TMEM70: variants seen among roughly 807,000 people sequenced by gnomAD.
TMEM70 encodes transmembrane protein 70, also known as transmembrane protein 70, mitochondrial.
Under a neutral mutation model 20.5 loss-of-function variants are expected in TMEM70, and 15 were observed. That is an observed-to-expected ratio of 0.73 (90% CI 0.49 to 1.13). The LOEUF is 1.13. TMEM70 is among the 50% of genes most tolerant of loss of function. The pLI is 0.00. For missense variants in TMEM70, 344 were observed against 331.7 expected (o/e 1.04, Z -0.29); for synonymous variants, 141 against 134.2 (o/e 1.05, Z -0.35).
chr8:73,982,567 T>TCCCA lies in TMEM70; in HGVS notation c.*946_*947insCCCA. ...AATTCACAAATTATGGGAGCAGTTTTAAGTCTTCTTTGGTTCAGAACACAG... is the reference window on the plus strand; with the variant it reads ...AATTCACAAATTATGGGAGCAGTTTTCCCAAAGTCTTCTTTGGTTCAGAACACAG... On this transcript the variant is annotated 3_prime_UTR_variant, in exon 3 of 3. Transcript: ENST00000312184. 3 of 500,488 alleles carry TCCCA rather than the reference T, an allele frequency of 6.0e-6. No homozygotes were observed. The highest frequency in any genetic ancestry group is 4.6e-5 in the South Asian group (3 of 65,358). 31.0% of individuals were successfully genotyped at this position (500,488 alleles called of 1,614,324 possible).
chr8:73,978,882 G>A, intron 2 of TMEM70, 21 bp downstream of exon 2: 6 of 1,612,948 alleles, frequency 3.7e-6, no homozygotes, highest in East Asian at 2.2e-5. Context: ...GGAGGTGGGT[G>A]TACTTACTTT....
At position 73,980,374 on chromosome 8, in the gene TMEM70, G is replaced by GT. The variant is rs1388211351; in HGVS notation, c.317-769dup. ...TTGAATACCTTTCCCATATGTTTCT[G>GT]TTTTTTTTTTTTGAGATGGAGTCTC... is the stretch of plus-strand genomic sequence containing the variant. On this transcript the variant is annotated intron_variant, in intron 2 of 2. Coordinates refer to ENST00000312184, the MANE Select transcript of TMEM70 (RefSeq NM_017866.6). Among the ~76,000 whole-genome samples the GT allele has an allele frequency of 7.7e-3, 1,111 of 145,198 alleles. 3 individuals carry two copies. The highest frequency in any genetic ancestry group is 0.024 in the Middle Eastern group (7 of 288).
intron 1 of TMEM70, among the ~76,000 whole-genome samples, chr8:73,976,861 G>A (rs1418970120): frequency 6.6e-6 from 1 of 152,210 alleles, no homozygotes; most frequent in East Asian, 1.9e-4. Context: ...CTGACTTTGA[G>A]CTTGTTCTAC....
rs1248394024 is a variant in TMEM70, at chr8:73,982,190, C to T, written c.*569C>T. On this transcript the variant is annotated 3_prime_UTR_variant, in exon 3 of 3. Coordinates refer to ENST00000312184, the MANE Select transcript of TMEM70 (RefSeq NM_017866.6). ...AGGTGGCAATTCACCGAATTCATAT[C>T]ACTCTAACGAGTTGCAACGTAAAAT... The T allele has an allele frequency of 1.8e-6, 1 of 551,950 alleles. No homozygotes were observed. The highest frequency in any genetic ancestry group is 3.6e-6 in the Non-Finnish European group (1 of 281,482). The allele number at this position is 551,950 out of a possible 1,614,324, so 34.2% of individuals were successfully genotyped here. A position where few individuals can be genotyped will look rare whatever the true frequency, so the allele number is the denominator to read the frequency against.
chr8:73,980,037 A>G (rs1274981572), intron 2 of TMEM70, among the ~76,000 whole-genome samples: 1 of 152,016 alleles, frequency 6.6e-6, no homozygotes, highest in East Asian at 1.9e-4. Flanking sequence ...TTTATTTTTA[A>G]TCTTTCTAAG....
At chr8:73,977,189 CT>C (rs200893322) in intron 1 of TMEM70, among the ~76,000 whole-genome samples, 10 of 151,422 alleles carry the variant, frequency 6.6e-5, no homozygotes, top group Non-Finnish European at 1.3e-4. Flanking sequence ...AATTTTATTT[CT>C]TTTTTTTTGG....
At chr8:73,976,585 C>G (rs1815654791) in intron 1 of TMEM70, 94 bp downstream of exon 1, 1 of 1,261,052 alleles carries the variant, frequency 7.9e-7, no homozygotes, top group Non-Finnish European at 1.1e-6. Context: ...GCGACCTCTC[C>G]CAGGTGTCCG....
In TMEM70 at chr8:73,982,365, G is replaced by T. The variant is rs762140073; in HGVS notation, c.*744G>T. The T allele has an allele frequency of 1.4e-6, 1 of 715,576 alleles. No homozygotes were observed. The highest frequency in any genetic ancestry group is 2.5e-6 in the Non-Finnish European group (1 of 397,588). 44.3% of individuals were successfully genotyped at this position (715,576 alleles called of 1,614,324 possible). A position where few individuals can be genotyped will look rare whatever the true frequency, so the allele number is the denominator to read the frequency against. On this transcript the variant is annotated 3_prime_UTR_variant, in exon 3 of 3. Coordinates refer to ENST00000312184, the MANE Select transcript of TMEM70 (RefSeq NM_017866.6). The stretch of plus-strand genomic sequence containing the variant: ...AAGGCATGGGATCGTTTCCAGATGA[G>T]AATCCACAAGCGACTCATTGACTTG...
chr8:73,977,729 C>T (rs1354432441), intron 1 of TMEM70, among the ~76,000 whole-genome samples: 1 of 151,730 alleles, frequency 6.6e-6, no homozygotes, highest in Non-Finnish European at 1.5e-5. Flanking sequence ...GCCTTAAACT[C>T]CTGGGCTCAA....
Position 73,982,378 on chromosome 8 carries a change from A to T in TMEM70, c.*757A>T, listed in dbSNP as rs1290367394. 1 of 734,058 alleles carries T rather than the reference A, an allele frequency of 1.4e-6. No individual in the cohort carries two copies. Among genetic ancestry groups the T allele is most frequent in the Non-Finnish European group, 2.4e-6 (1 of 412,412 alleles). The allele number at this position is 734,058 out of a possible 1,614,324, so 45.5% of individuals were successfully genotyped here. On this transcript the variant is annotated 3_prime_UTR_variant, in exon 3 of 3. Transcript: ENST00000312184. ...GTTTCCAGATGAGAATCCACAAGCGACTCATTGACTTGCGCAGTCCTCAGA... is the reference window on the plus strand; with the variant it reads ...GTTTCCAGATGAGAATCCACAAGCGTCTCATTGACTTGCGCAGTCCTCAGA...
intron 2 of TMEM70, 134 bp from the exon 3 acceptor site, chr8:73,981,021 A>T (rs1815777835): frequency 2.7e-6 from 2 of 737,452 alleles, no homozygotes; most frequent in East Asian, 5.3e-5. Context: ...GAATATAATA[A>T]GCACTGTATT....
intron 1 of TMEM70, among the ~76,000 whole-genome samples, chr8:73,977,375 A>C (rs919089915): frequency 6.6e-6 from 1 of 151,182 alleles, no homozygotes; most frequent in Non-Finnish European, 1.5e-5. Context: ...TTTAGTAGAG[A>C]CGGGGTTTCA....
Position 73,981,895 on chromosome 8 carries a change from G to C in TMEM70, c.*274G>C, listed in dbSNP as rs1489939870. The C allele has an allele frequency of 1.8e-6, 1 of 560,878 alleles. No individual in the cohort carries two copies. Among genetic ancestry groups the C allele is most frequent in the Non-Finnish European group, 3.4e-6 (1 of 297,812 alleles). 34.7% of individuals were successfully genotyped at this position (560,878 alleles called of 1,614,324 possible). A position where few individuals can be genotyped will look rare whatever the true frequency, so the allele number is the denominator to read the frequency against. On this transcript the variant is annotated 3_prime_UTR_variant, in exon 3 of 3. Transcript: ENST00000312184. Reference sequence around the variant, plus strand: ...TGTTACTGTGGTTGACTCTAAACTGGGGATCTGATGTCAGTAGCAAATGGG... The same window carrying C: ...TGTTACTGTGGTTGACTCTAAACTGCGGATCTGATGTCAGTAGCAAATGGG...
At position 73,981,194 on chromosome 8, in the gene TMEM70, T is replaced by G. The variant is rs762724204; in HGVS notation, c.356T>G (p.Leu119Arg). ...TCTTATTCTACGAGTCTGATTGGCC[T>G]TACATTTCTGCCATACATTTTTACA... ...CFSYSTSLIG[L>R]TFLPYIFTQN... The change falls in exon 3 of 3, where the codon CTT becomes CGT. Residue 119 changes from leucine to arginine, a missense_variant. Coordinates refer to ENST00000312184, the MANE Select transcript of TMEM70 (RefSeq NM_017866.6). The G allele has an allele frequency of 6.2e-7, 1 of 1,614,184 alleles. No homozygotes were observed. Among genetic ancestry groups the G allele is most frequent in the East Asian group, 2.2e-5 (1 of 44,882 alleles).
At chr8:73,978,466 G>A (rs1158262264) in intron 1 of TMEM70, among the ~76,000 whole-genome samples, 1 of 148,160 alleles carries the variant, frequency 6.7e-6, no homozygotes, top group African/African-American at 2.5e-5. Flanking sequence ...CAAGGTGGCA[G>A]ATCACTTGAG....
intron 2 of TMEM70, among the ~76,000 whole-genome samples, chr8:73,979,410 A>G (rs745735184): frequency 1.1e-4 from 17 of 152,150 alleles, no homozygotes; most frequent in Non-Finnish European, 2.2e-4. Flanking sequence ...TGTTTTTCCA[A>G]ATAAACTTTA....
At chr8:73,978,918 AT>A (rs752419732) in intron 2 of TMEM70, 57 bp downstream of exon 2, 2 of 1,596,526 alleles carry the variant, frequency 1.3e-6, no homozygotes, top group African/African-American at 2.7e-5. Context: ...AATTGTAAAA[AT>A]ATCCTTACCA....
At chr8:73,978,955 C>CTTAA (rs1302192926) in intron 2 of TMEM70, 94 bp downstream of exon 2, 264 of 1,458,322 alleles carry the variant, frequency 1.8e-4, no homozygotes, top group Non-Finnish European at 2.4e-4. Flanking sequence ...TATGGCATCC[C>CTTAA]TTAATTACAA....
intron 1 of TMEM70, 152 bp downstream of exon 1, chr8:73,976,643 C>G (rs1815657487): frequency 3.9e-6 from 3 of 771,804 alleles, no homozygotes; most frequent in South Asian, 3.8e-5. Flanking sequence ...GCAGAAGTAG[C>G]AGGCCGAGGG....
Sources: allele counts gnomAD v4.1 joint callset (sites outside exome capture counted in the v4.1 genomes callset), GRCh38; gene constraint gnomAD v4.1.1; transcripts MANE v1.5; gene names NCBI Gene and HGNC (gene_info 2026-07-23, HGNC 2026-07-21).